DIS3L: variants seen among roughly 807,000 people sequenced by gnomAD.
DIS3L encodes DIS3 like exosome 3'-5' exoribonuclease.
DIS3L carries 100 observed loss-of-function variants against 120.3 expected under a neutral mutation model. The observed-to-expected ratio is 0.83, with a 90% CI of 0.71 to 0.98. The LOEUF (loss-of-function observed/expected upper bound fraction) is 0.98, where lower values mean the gene tolerates loss of function less well. DIS3L is among the 50% of genes least tolerant of loss of function. The pLI is 0.00. For synonymous variants in DIS3L, 426 were observed against 470.6 expected, an observed-to-expected ratio of 0.91 and a Z score of 1.23; for missense variants, 1,196 against 1,314.2, an observed-to-expected ratio of 0.91 and a Z score of 1.39.
At chr15:66,308,377 A>G (rs769197539) in intron 3 of DIS3L, among the ~76,000 whole-genome samples, 10 of 152,200 alleles carry the variant, frequency 6.6e-5, no homozygotes, top group Non-Finnish European at 1.3e-4. Context: ...GCCTCACATA[A>G]TATAGCTTGT....
chr15:66,332,777 G>A lies in DIS3L; in HGVS notation c.2723G>A (p.Gly908Asp), dbSNP rs765067503. 8.1e-6 allele frequency: 13 copies of A among 1,613,418 alleles called. No homozygotes were observed. Among genetic ancestry groups the A allele is most frequent in the Non-Finnish European group, 1.1e-5 (13 of 1,179,776 alleles). ...KGAAYLKNKD[G>D]LVISCGPDSC... ...GCTGCTTATCTAAAAAATAAAGATGGTTTAGTCATCTCATGTGGCCCAGAT... is the reference window on the plus strand; with the variant it reads ...GCTGCTTATCTAAAAAATAAAGATGATTTAGTCATCTCATGTGGCCCAGAT... The change falls in exon 16 of 17, where the codon GGT becomes GAT. Residue 908 changes from glycine to aspartate, a missense_variant. Gly to Asp is a moderately conservative substitution (Grantham distance 94). Transcript: ENST00000319212.
In DIS3L at chr15:66,306,865, A is replaced by G. The variant is rs371307637; in HGVS notation, c.335A>G (p.His112Arg). 5.6e-6 allele frequency: 9 copies of G among 1,614,080 alleles called. No individual in the cohort carries two copies. Among genetic ancestry groups the G allele is most frequent in the African/African-American group, 1.3e-5 (1 of 74,944 alleles). Residue 112 changes from histidine (H) to arginine (R), a missense_variant, in exon 3 of 17, where the codon CAT becomes CGT. Transcript: ENST00000319212. ...CGAAACCTGCTGAAGGATGCGCGTC[A>G]TGATTGCATTCTCTTTGCTAATGAA... is the stretch of plus-strand genomic sequence containing the variant. ...KLRNLLKDAR[H>R]DCILFANEFQ...
chr15:66,317,996 A>G lies in DIS3L; in HGVS notation c.995-453A>G, dbSNP rs183863707. 2.3e-3 allele frequency among the ~76,000 whole-genome samples: 350 copies of G among 152,154 alleles called. 1 individual carries two copies. Among genetic ancestry groups the G allele is most frequent in the African/African-American group, 7.6e-3 (316 of 41,484 alleles). ...TTTTGTTTATGTGTTTGTTATTGAG[A>G]CGGCATCTCACTCTGTTGCCCAGGC... is the stretch of plus-strand genomic sequence containing the variant. On this transcript the variant is annotated intron_variant, in intron 7 of 16. Transcript: ENST00000319212.
upstream of DIS3L, chr15:66,293,503 G>C (rs2092544275): frequency 4.8e-6 from 6 of 1,251,466 alleles, no homozygotes; most frequent in South Asian, 1.1e-4. Flanking sequence ...GGCGGTTCCG[G>C]AGCCGCGGCG....
At chr15:66,322,546 C>T (rs527257626) in intron 9 of DIS3L, 141 bp from the exon 10 acceptor site, 2 of 1,336,690 alleles carry the variant, frequency 1.5e-6, no homozygotes, top group African/African-American at 2.9e-5. Flanking sequence ...AATTATTGAT[C>T]AAAGGAAGCC....
rs550039061 is a variant in DIS3L, at chr15:66,322,674, G to A, written c.1327-13G>A. ...TGGTGCATGAATTGCTGAATATTTG[G>A]TTTCTCATACAGATGTGTGAGATGC... is the stretch of plus-strand genomic sequence containing the variant. On this transcript the variant is annotated splice_polypyrimidine_tract_variant and intron_variant, in intron 9 of 16. Coordinates refer to ENST00000319212, the MANE Select transcript of DIS3L (RefSeq NM_001143688.3). 5 of 1,611,136 alleles carry A rather than the reference G, an allele frequency of 3.1e-6. No homozygotes were observed. In the African/African-American group the frequency reaches 4.0e-5, roughly 13 times the overall value.
In DIS3L at chr15:66,332,514, G is replaced by GTATA. The variant is rs1315039294; in HGVS notation, c.2682-215_2682-212dup. The stretch of plus-strand genomic sequence containing the variant: ...TGTGTGTGTGTGTGTGTGTGTGTGT[G>GTATA]TATATATATACACACACACTTCTAT... On this transcript the variant is annotated intron_variant, in intron 15 of 16. Coordinates refer to ENST00000319212, the MANE Select transcript of DIS3L (RefSeq NM_001143688.3). Among the ~76,000 whole-genome samples, 612 of 74,732 alleles carry GTATA rather than the reference G, an allele frequency of 8.2e-3. 4 individuals carry two copies. The highest frequency in any genetic ancestry group is 0.02 in the African/African-American group (567 of 28,604). 49.0% of individuals were successfully genotyped at this position (74,732 alleles called of 152,430 possible).
rs1566957959 is a variant in DIS3L at position 66,326,320 on chromosome 15, A to C, written c.2157A>C (p.Glu719Asp). The C allele has an allele frequency of 6.2e-7, 1 of 1,613,820 alleles. No homozygotes were observed. The highest frequency in any genetic ancestry group is 1.7e-5 in the Admixed American group (1 of 59,980). The change falls in exon 12 of 17, where the codon GAA becomes GAC. Residue 719 changes from glutamate to aspartate, a missense_variant. By Grantham distance (45) the Glu-to-Asp change is conservative (BLOSUM62 2). Transcript: ENST00000319212. ...CTCCACACCAGGAGTTCTTTTCAGA[A>C]CTCCGGGAATGTGCTAAAGCCAAAG... The part of the protein sequence containing the change: ...HPPPHQEFFS[E>D]LRECAKAKGF...
rs2092900944 is a variant in DIS3L at position 66,322,919 on chromosome 15, T to C, written c.1559T>C (p.Ile520Thr). The C allele has an allele frequency of 6.2e-7, 1 of 1,614,182 alleles. No homozygotes were observed. The highest frequency in any genetic ancestry group is 8.5e-7 in the Non-Finnish European group (1 of 1,180,030). The change falls in exon 10 of 17, where the codon ATT becomes ACT. Residue 520 changes from isoleucine (I) to threonine (T), a missense_variant. Ile to Thr is a moderately conservative substitution (Grantham distance 89). Transcript: ENST00000319212. ...GTGGCACCAAATTCTTACATTGATATTGAAGCTAGAACAAGGTAATGCTAT... is the reference window on the plus strand; with the variant it reads ...GTGGCACCAAATTCTTACATTGATACTGAAGCTAGAACAAGGTAATGCTAT... Reference protein sequence around the residue: ...HFVAPNSYIDIEARTRATTYY... With the variant: ...HFVAPNSYIDTEARTRATTYY...
At chr15:66,332,512 G>GTA (rs1190010393) in intron 15 of DIS3L, among the ~76,000 whole-genome samples, 4 of 68,858 alleles carry the variant, frequency 5.8e-5, no homozygotes, top group African/African-American at 1.1e-4. Flanking sequence ...GTGTGTGTGT[G>GTA]TGTATATATA....
rs368118515 is a variant in DIS3L, at chr15:66,306,988, G to A, written c.422+36G>A. 1.2e-4 allele frequency: 198 copies of A among 1,608,184 alleles called. 1 individual carries two copies. In the South Asian group the frequency reaches 1.5e-3, roughly 12 times the overall value. ...GACTTGCTGCTGTTTTCACACTGTC[G>A]TCTTCTTTCATTTCCTCATCATTGG... On this transcript the variant is annotated intron_variant, in intron 3 of 16. Coordinates refer to ENST00000319212, the MANE Select transcript of DIS3L (RefSeq NM_001143688.3).
chr15:66,333,389 ACT>A lies in DIS3L; in HGVS notation c.*79_*80del, dbSNP rs2093024127. The A allele has an allele frequency of 8.5e-7, 1 of 1,171,432 alleles. No individual in the cohort carries two copies. The highest frequency in any genetic ancestry group is 1.7e-5 in the African/African-American group (1 of 59,766). 72.6% of individuals were successfully genotyped at this position (1,171,432 alleles called of 1,614,324 possible). ...TCAAACTTAACATTTAATGTGTGTC[ACT>A]CAGTGCTCTAGTCGATCAGGACTGG... On this transcript the variant is annotated 3_prime_UTR_variant, in exon 17 of 17. Transcript: ENST00000319212.
intron 14 of DIS3L, chr15:66,330,051 C>A: frequency 2.0e-6 from 2 of 985,082 alleles, no homozygotes; most frequent in Non-Finnish European, 2.4e-6. Flanking sequence ...ACCTGTATTC[C>A]CAGTACTTTG....
rs770512116 is a variant in DIS3L at position 66,311,809 on chromosome 15, A to G, written c.644A>G (p.Asn215Ser). 6.2e-7 allele frequency: 1 copy of G among 1,614,148 alleles called. No homozygotes were observed. The highest frequency in any genetic ancestry group is 8.5e-7 in the Non-Finnish European group (1 of 1,179,992). Residue 215 changes from asparagine to serine, a missense_variant, in exon 5 of 17, where the codon AAT becomes AGT. Coordinates refer to ENST00000319212, the MANE Select transcript of DIS3L (RefSeq NM_001143688.3). ...CTTCAGTCTCGACGGGAGAGAGAGA[A>G]TGAGAGTCAGGAGAGCCATGGGAAG... ...SILQSRRERENESQESHGKEY... is the reference protein window; with the variant it reads ...SILQSRRERESESQESHGKEY...
rs1035808492 is a variant in DIS3L at position 66,333,458 on chromosome 15, C to T, written c.*146C>T. The T allele has an allele frequency of 6.9e-6, 6 of 865,094 alleles. No homozygotes were observed. The highest frequency in any genetic ancestry group is 5.6e-5 in the East Asian group (2 of 35,570). The allele number at this position is 865,094 out of a possible 1,614,324, so 53.6% of individuals were successfully genotyped here. The stretch of plus-strand genomic sequence containing the variant: ...TATGTAAAATGTTCTCAGCCGGGCA[C>T]GGTGGCTCACGCCTGTAACCCCAGC... On this transcript the variant is annotated 3_prime_UTR_variant, in exon 17 of 17. Transcript: ENST00000319212.
chr15:66,323,033 A>AT (rs1392064746), intron 10 of DIS3L, 99 bp downstream of exon 10: 1 of 1,464,176 alleles, frequency 6.8e-7, no homozygotes, highest in African/African-American at 1.4e-5. Flanking sequence ...TGTTTGTGCA[A>AT]TTTTGAAGGT....
chr15:66,306,616 C>T (rs2092704928), intron 2 of DIS3L: 2 of 512,388 alleles, frequency 3.9e-6, no homozygotes, highest in Admixed American at 3.3e-5. Context: ...CTAGGCCCTG[C>T]CCAAGCACCT....
rs189332979 is a variant in DIS3L, at chr15:66,307,404, C to T, written c.422+452C>T. 4.1e-3 allele frequency among the ~76,000 whole-genome samples: 621 copies of T among 152,032 alleles called. 3 individuals are homozygous for T. Among genetic ancestry groups the T allele is most frequent in the Non-Finnish European group, 6.0e-3 (409 of 67,986 alleles). On this transcript the variant is annotated intron_variant, in intron 3 of 16. Coordinates refer to ENST00000319212, the MANE Select transcript of DIS3L (RefSeq NM_001143688.3). ...CTCGACCTCCTGAGCTCGAGTTATC[C>T]TCCCACCTCAGCCTCCCAAGTAGCT...
intron 15 of DIS3L, 87 bp downstream of exon 15, chr15:66,332,107 ATATT>A: frequency 2.4e-6 from 3 of 1,276,426 alleles, no homozygotes; most frequent in Middle Eastern, 2.7e-4. Context: ...ATTTATTAAA[ATATT>A]TAAGCAACTA....
Sources: allele counts gnomAD v4.1 joint callset (sites outside exome capture counted in the v4.1 genomes callset), GRCh38; gene constraint gnomAD v4.1.1; transcripts MANE v1.5; gene names NCBI Gene and HGNC (gene_info 2026-07-23, HGNC 2026-07-21).